PPP2R2A: variants seen among roughly 807,000 people sequenced by gnomAD.
PPP2R2A encodes serine/threonine-protein phosphatase 2A 55 kDa regulatory subunit B alpha isoform.
Under a neutral mutation model 53.2 loss-of-function variants are expected in PPP2R2A, and 9 were observed. That is an observed-to-expected ratio of 0.17 (90% CI 0.10 to 0.30). The LOEUF (loss-of-function observed/expected upper bound fraction) is 0.30. PPP2R2A is among the 10% of genes least tolerant of loss of function. PPP2R2A has a pLI of 1.00. For missense variants in PPP2R2A, 235 were observed against 534.6 expected, an observed-to-expected ratio of 0.44 and a Z score of 5.53; for synonymous variants, 169 against 174.2, an observed-to-expected ratio of 0.97 and a Z score of 0.23.
At position 26,321,027 on chromosome 8, in the gene PPP2R2A, G is replaced by A. The variant is rs1802813930; in HGVS notation, c.83-17863G>A. Among the ~76,000 whole-genome samples, 1 of 152,156 alleles carries A rather than the reference G, an allele frequency of 6.6e-6. No homozygotes were observed. Among genetic ancestry groups the A allele is most frequent in the Non-Finnish European group, 1.5e-5 (1 of 68,034 alleles). Reference sequence around the variant, plus strand: ...GATGACACACTGAAATGACCAACGAGCATAATAAGGAGAATTCAGTATCCT... The same window carrying A: ...GATGACACACTGAAATGACCAACGAACATAATAAGGAGAATTCAGTATCCT... On this transcript the variant is annotated intron_variant, in intron 2 of 9. Transcript: ENST00000380737. The surrounding 1 kb of genome is among the most constrained non-coding windows in gnomAD (Gnocchi z 4.1).
intron 3 of PPP2R2A, among the ~76,000 whole-genome samples, chr8:26,347,191 C>CT (rs1461736773): frequency 7.0e-6 from 1 of 143,640 alleles, no homozygotes; most frequent in Non-Finnish European, 1.5e-5. Context: ...TTTTTTTAAT[C>CT]TAACACCAGG....
intron 2 of PPP2R2A, chr8:26,333,590 G>T: frequency 9.3e-7 from 1 of 1,071,984 alleles, no homozygotes; most frequent in South Asian, 2.1e-5. Context: ...GAATGCCAAG[G>T]CTACTAATAA....
Position 26,354,509 on chromosome 8 carries a change from C to T in PPP2R2A, c.222C>T (p.Tyr74=). Residue 74 remains tyrosine, a synonymous_variant, in exon 4 of 10, where the codon TAC becomes TAT. Coordinates refer to ENST00000380737, the MANE Select transcript of PPP2R2A (RefSeq NM_002717.4). This position sits in a 1 kb window ranked among gnomAD's most constrained non-coding sequence, Gnocchi z 4.6. ...QSHSRGEYNV[Y]STFQSHEPEF... Reference sequence around the variant, plus strand: ...ATAGCAGAGGAGAATATAATGTTTACAGCACCTTCCAGAGCCATGAACCAG... The same window carrying T: ...ATAGCAGAGGAGAATATAATGTTTATAGCACCTTCCAGAGCCATGAACCAG... 6.2e-7 allele frequency: 1 copy of T among 1,602,420 alleles called. No homozygotes were observed. The highest frequency in any genetic ancestry group is 8.5e-7 in the Non-Finnish European group (1 of 1,172,752).
At chr8:26,309,078 C>T (rs1287675442) in intron 2 of PPP2R2A, among the ~76,000 whole-genome samples, 1 of 152,146 alleles carries the variant, frequency 6.6e-6, no homozygotes, top group Non-Finnish European at 1.5e-5. Flanking sequence ...CCAGGCTGGG[C>T]TTGAGCTCAT....
intron 2 of PPP2R2A, among the ~76,000 whole-genome samples, chr8:26,328,407 A>G (rs947154060): frequency 5.9e-5 from 9 of 152,216 alleles, no homozygotes; most frequent in Non-Finnish European, 1.2e-4. Flanking sequence ...TAATTGCCCA[A>G]TACCTGCACT....
chr8:26,322,102 G>T (rs1208067492), intron 2 of PPP2R2A, among the ~76,000 whole-genome samples: 3 of 152,206 alleles, frequency 2.0e-5, no homozygotes, highest in African/African-American at 7.2e-5. Flanking sequence ...CAGGAAACAA[G>T]AGAAACTGTT....
intron 9 of PPP2R2A, among the ~76,000 whole-genome samples, chr8:26,367,599 A>G (rs1469581055): frequency 2.6e-5 from 4 of 152,192 alleles, no homozygotes; most frequent in Non-Finnish European, 4.4e-5. Flanking sequence ...ATTTATAGCT[A>G]TATTTGTCCA....
Position 26,360,882 on chromosome 8 carries a change from C to T in PPP2R2A, c.460-92C>T, listed in dbSNP as rs1805049168. 7.1e-6 allele frequency: 9 copies of T among 1,272,566 alleles called. No homozygotes were observed. The highest frequency in any genetic ancestry group is 9.8e-6 in the Non-Finnish European group (9 of 923,002). The allele number at this position is 1,272,566 out of a possible 1,614,324, so 78.8% of individuals were successfully genotyped here. ...GTAATATTGTTCTATTTTATGTTCT[C>T]AAAAACTGAAATAATGAAGTTTTCT... On this transcript the variant is annotated intron_variant, in intron 5 of 9. Coordinates refer to ENST00000380737, the MANE Select transcript of PPP2R2A (RefSeq NM_002717.4). The surrounding 1 kb of genome is among the most constrained non-coding windows in gnomAD (Gnocchi z 4.5).
chr8:26,342,644 C>A (rs568434122), intron 3 of PPP2R2A, among the ~76,000 whole-genome samples: 13 of 152,148 alleles, frequency 8.5e-5, no homozygotes, highest in Admixed American at 2.0e-4. Context: ...GTACCTCTTT[C>A]CACTTCTTTT....
Position 26,363,784 on chromosome 8 carries a change from C to T in PPP2R2A, c.866C>T (p.Ser289Leu), listed in dbSNP as rs757712148. 2.5e-6 allele frequency: 4 copies of T among 1,607,292 alleles called. No individual in the cohort carries two copies. The highest frequency in any genetic ancestry group is 1.1e-5 in the South Asian group (1 of 90,172). Residue 289 changes from serine (S) to leucine (L), a missense_variant, in exon 8 of 10, where the codon TCG becomes TTG. Coordinates refer to ENST00000380737, the MANE Select transcript of PPP2R2A (RefSeq NM_002717.4). ...TTTTCCGAAATCATCTCCTCTATTT[C>T]GGATGTAAAATTCAGCCATAGTGGT... is the stretch of plus-strand genomic sequence containing the variant. Reference protein sequence around the residue: ...SFFSEIISSISDVKFSHSGRY... With the variant: ...SFFSEIISSILDVKFSHSGRY...
chr8:26,368,194 C>A (rs1019645829), intron 9 of PPP2R2A, among the ~76,000 whole-genome samples: 1 of 152,164 alleles, frequency 6.6e-6, no homozygotes, highest in Non-Finnish European at 1.5e-5. Flanking sequence ...TTGTCATCTT[C>A]AGGGGCACGC....
intron 2 of PPP2R2A, among the ~76,000 whole-genome samples, chr8:26,310,343 C>T (rs1441032996): frequency 1.3e-4 from 18 of 140,044 alleles, no homozygotes; most frequent in East Asian, 4.3e-4. Flanking sequence ...TGTATAATCT[C>T]GCAATTTTTA....
In PPP2R2A at chr8:26,343,152, C is replaced by T. The variant is rs956229696; in HGVS notation, c.180+4165C>T. ...TGGTGCCTTTGCACTCCAGCCTGGGCAACAGAGTGAGACTGTCTCAAAAAC... is the reference window on the plus strand; with the variant it reads ...TGGTGCCTTTGCACTCCAGCCTGGGTAACAGAGTGAGACTGTCTCAAAAAC... On this transcript the variant is annotated intron_variant, in intron 3 of 9. Transcript: ENST00000380737. 2.0e-5 allele frequency among the ~76,000 whole-genome samples: 3 copies of T among 151,720 alleles called. 1 individual carries two copies. The highest frequency in any genetic ancestry group is 1.3e-4 in the Admixed American group (2 of 15,252).
At chr8:26,309,243 T>C (rs1802164415) in intron 2 of PPP2R2A, among the ~76,000 whole-genome samples, 1 of 152,228 alleles carries the variant, frequency 6.6e-6, no homozygotes, top group East Asian at 1.9e-4. Flanking sequence ...AATATTGTGT[T>C]AGCAGGCATG....
chr8:26,337,835 C>T (rs1440125667), intron 2 of PPP2R2A, among the ~76,000 whole-genome samples: 1 of 152,090 alleles, frequency 6.6e-6, no homozygotes, highest in Non-Finnish European at 1.5e-5. Flanking sequence ...TGCCTTGGAC[C>T]TAGACAACGG....
chr8:26,310,541 A>G (rs1463784980), intron 2 of PPP2R2A, among the ~76,000 whole-genome samples: 1 of 151,954 alleles, frequency 6.6e-6, no homozygotes, highest in African/African-American at 2.4e-5. Context: ...TCATTTAGAC[A>G]TTTAGATTGT....
At chr8:26,345,010 ATACAACATTT>A (rs1804140078) in intron 3 of PPP2R2A, among the ~76,000 whole-genome samples, 2 of 152,232 alleles carry the variant, frequency 1.3e-5, no homozygotes, top group South Asian at 4.1e-4. Flanking sequence ...GAAGATAATT[ATACAACATTT>A]TAAATCATTT....
Position 26,354,213 on chromosome 8 carries a change from T to G in PPP2R2A, c.181-255T>G, listed in dbSNP as rs1201677513. Among the ~76,000 whole-genome samples the G allele has an allele frequency of 6.6e-6, 1 of 152,152 alleles. No homozygotes were observed. Among genetic ancestry groups the G allele is most frequent in the Non-Finnish European group, 1.5e-5 (1 of 68,024 alleles). ...ACATAAGAGTAAATTAGCAATCAAATTGATCCATATTTAACGTCATTATTT... is the reference window on the plus strand; with the variant it reads ...ACATAAGAGTAAATTAGCAATCAAAGTGATCCATATTTAACGTCATTATTT... On this transcript the variant is annotated intron_variant, in intron 3 of 9. Transcript: ENST00000380737. This position sits in a 1 kb window ranked among gnomAD's most constrained non-coding sequence, Gnocchi z 4.6.
chr8:26,327,204 T>C (rs564666309), intron 2 of PPP2R2A, among the ~76,000 whole-genome samples: 1 of 152,216 alleles, frequency 6.6e-6, no homozygotes, highest in East Asian at 1.9e-4. Context: ...ACATAAGCAT[T>C]AAATCGAGGG....
Sources: allele counts gnomAD v4.1 joint callset (sites outside exome capture counted in the v4.1 genomes callset), GRCh38; gene constraint gnomAD v4.1.1; non-coding constraint Gnocchi (gnomAD v3.1); transcripts MANE v1.5; gene names NCBI Gene and HGNC (gene_info 2026-07-23, HGNC 2026-07-21).